Variants in DDX10 observed in about 807,000 individuals in gnomAD.
DDX10 encodes the protein probable ATP-dependent RNA helicase DDX10.
In DDX10, 74 loss-of-function variants were observed where a neutral mutation model predicts 104.3. The observed-to-expected ratio is 0.71, with a 90% CI of 0.59 to 0.86. The LOEUF (loss-of-function observed/expected upper bound fraction) is 0.86, where lower values mean the gene tolerates loss of function less well. Ranked by LOEUF, DDX10 falls within the 40% of genes least tolerant of loss-of-function variation. The pLI is 0.00. For missense variants in DDX10, 952 were observed against 1,040.0 expected (o/e 0.92, Z 1.16); for synonymous variants, 351 against 353.4 (o/e 0.99, Z 0.08).
intron 15 of DDX10, among the ~76,000 whole-genome samples, chr11:108,843,485 C>T (rs188254402): frequency 7.0e-4 from 104 of 149,502 alleles, no homozygotes; most frequent in African/African-American, 2.3e-3. Context: ...ATTGGCTGGG[C>T]GCGGTGGCTC....
At position 108,726,177 on chromosome 11, in the gene DDX10, A is replaced by G. The variant is rs181943058; in HGVS notation, c.1965+2715A>G. Among the ~76,000 whole-genome samples, 8 of 152,118 alleles carry G rather than the reference A, an allele frequency of 5.3e-5. No homozygotes were observed. In the East Asian group the frequency reaches 1.4e-3, roughly 26 times the overall value. ...TTAAATCAGATCTTTGAGTCTGTCA[A>G]CTGATATATATTTTCTTAAAATTGC... On this transcript the variant is annotated intron_variant, in intron 13 of 17. Coordinates refer to ENST00000322536, the MANE Select transcript of DDX10 (RefSeq NM_004398.4).
intron 13 of DDX10, among the ~76,000 whole-genome samples, chr11:108,753,169 A>G (rs1172655669): frequency 3.9e-5 from 6 of 152,120 alleles, no homozygotes; most frequent in Non-Finnish European, 8.8e-5. Context: ...CTACAGATGA[A>G]CTAACAGCAA....
intron 16 of DDX10, among the ~76,000 whole-genome samples, chr11:108,911,176 A>G (rs1335946844): frequency 6.6e-6 from 1 of 152,220 alleles, no homozygotes; most frequent in African/African-American, 2.4e-5. Context: ...GATTTTGTTC[A>G]CTGCAGCATG....
intron 15 of DDX10, among the ~76,000 whole-genome samples, chr11:108,843,456 C>G (rs533234620): frequency 2.2e-5 from 3 of 137,360 alleles, no homozygotes; most frequent in Non-Finnish European, 4.6e-5. Context: ...GCTCAAAAAT[C>G]AAGATAAAAA....
intron 13 of DDX10, among the ~76,000 whole-genome samples, chr11:108,733,587 A>AGC (rs2094314875): frequency 6.6e-6 from 1 of 152,174 alleles, no homozygotes; most frequent in African/African-American, 2.4e-5. Context: ...TAGTTAGTGA[A>AGC]GCGCTAGCAC....
chr11:108,750,138 A>G (rs948264700), intron 13 of DDX10, among the ~76,000 whole-genome samples: 1 of 152,180 alleles, frequency 6.6e-6, no homozygotes, highest in African/African-American at 2.4e-5. Flanking sequence ...CCATTTTAAG[A>G]TTCTGTTATA....
intron 16 of DDX10, among the ~76,000 whole-genome samples, chr11:108,853,767 A>C (rs1302162762): frequency 6.6e-6 from 1 of 151,818 alleles, no homozygotes; most frequent in Admixed American, 6.6e-5. Flanking sequence ...TCCATTTCCC[A>C]CTCCCCTTCT....
intron 16 of DDX10, among the ~76,000 whole-genome samples, chr11:108,856,303 G>A (rs78464366): frequency 0.044 from 6,628 of 152,066 alleles, 405 homozygotes; most frequent in African/African-American, 0.13. Flanking sequence ...GGTGGTACCC[G>A]TCTATAATCC....
chr11:108,738,603 A>G (rs1490196889), intron 13 of DDX10, among the ~76,000 whole-genome samples: 1 of 152,124 alleles, frequency 6.6e-6, no homozygotes, highest in Non-Finnish European at 1.5e-5. Context: ...TTGTAATTAC[A>G]TGATTAGGTA....
chr11:108,807,249 T>G (rs1379739794), intron 13 of DDX10, among the ~76,000 whole-genome samples: 2 of 152,190 alleles, frequency 1.3e-5, no homozygotes, highest in Non-Finnish European at 2.9e-5. Flanking sequence ...TGGAAGTCAT[T>G]GAAGTGGAAA....
chr11:108,665,477 C>T, intron 1 of DDX10, 138 bp downstream of exon 1: 1 of 957,390 alleles, frequency 1.0e-6, no homozygotes, highest in South Asian at 1.8e-5. Context: ...CCGGGTGCCA[C>T]AGCTCAAACC....
chr11:108,716,918 A>G (rs1470627833), intron 11 of DDX10, among the ~76,000 whole-genome samples: 1 of 152,178 alleles, frequency 6.6e-6, no homozygotes, highest in Non-Finnish European at 1.5e-5. Context: ...TATTTTAGTT[A>G]AACTTTTTTT....
chr11:108,824,779 A>G (rs918926655), intron 13 of DDX10, among the ~76,000 whole-genome samples: 3 of 152,204 alleles, frequency 2.0e-5, no homozygotes, highest in East Asian at 1.9e-4. Flanking sequence ...TTTTGTCACT[A>G]TAGTGGCTTT....
intron 13 of DDX10, among the ~76,000 whole-genome samples, chr11:108,779,925 A>C (rs552970037): frequency 9.5e-4 from 145 of 152,268 alleles, no homozygotes; most frequent in Admixed American, 1.6e-3. Flanking sequence ...CTTTGGAGTG[A>C]GATGAGTTAG....
intron 16 of DDX10, among the ~76,000 whole-genome samples, chr11:108,866,160 A>T (rs1227113004): frequency 6.6e-6 from 1 of 152,030 alleles, no homozygotes; most frequent in Non-Finnish European, 1.5e-5. Flanking sequence ...TGGACTCTGG[A>T]GAGTGAATGA....
chr11:108,908,888 A>G (rs1565315545), intron 16 of DDX10, among the ~76,000 whole-genome samples: 1 of 152,218 alleles, frequency 6.6e-6, no homozygotes, highest in Non-Finnish European at 1.5e-5. Flanking sequence ...GATGCTTTTT[A>G]CAAGTTTTAC....
intron 16 of DDX10, among the ~76,000 whole-genome samples, chr11:108,884,902 T>C (rs2134635022): frequency 6.6e-6 from 1 of 152,356 alleles, no homozygotes; most frequent in South Asian, 2.1e-4. Context: ...ACGAATGTTT[T>C]GATAAGCTTC....
intron 11 of DDX10, 104 bp downstream of exon 11, chr11:108,716,070 C>A: frequency 1.4e-6 from 1 of 707,784 alleles, no homozygotes; most frequent in Non-Finnish European, 2.5e-6. Flanking sequence ...GATATTCAAG[C>A]AGTGTAATTT....
At chr11:108,791,504 A>G (rs900402914) in intron 13 of DDX10, among the ~76,000 whole-genome samples, 1 of 152,236 alleles carries the variant, frequency 6.6e-6, no homozygotes, top group African/African-American at 2.4e-5. Flanking sequence ...TTTTAAGTAT[A>G]CAATTCATTG....
Sources: allele counts gnomAD v4.1 joint callset (sites outside exome capture counted in the v4.1 genomes callset), GRCh38; gene constraint gnomAD v4.1.1; transcripts MANE v1.5; gene names NCBI Gene and HGNC (gene_info 2026-07-23, HGNC 2026-07-21).